The following KCNIP1 variants were observed in gnomAD, a reference collection of about 807,000 sequenced individuals.
KCNIP1 encodes the protein potassium voltage-gated channel interacting protein 1.
KCNIP1 carries 18 observed loss-of-function variants against 33.0 expected under a neutral mutation model. The ratio of observed to expected loss-of-function variants is 0.55; its 90% CI spans 0.38 to 0.81. The LOEUF is 0.81. KCNIP1 is among the 30% of genes least tolerant of loss of function. The pLI is 0.00. For synonymous variants in KCNIP1, 93 were observed against 98.3 expected (o/e 0.95, Z 0.32); for missense variants, 238 against 271.6 (o/e 0.88, Z 0.87).
chr5:170,734,346 C>T (rs1764310678), intron 7 of KCNIP1, among the ~76,000 whole-genome samples: 1 of 152,274 alleles, frequency 6.6e-6, no homozygotes, highest in Admixed American at 6.5e-5. Context: ...AGGCCTCAAT[C>T]CCAGAGACTC....
intron 1 of KCNIP1, among the ~76,000 whole-genome samples, chr5:170,616,586 C>T (rs1759381152): frequency 6.6e-6 from 1 of 152,100 alleles, no homozygotes; most frequent in South Asian, 2.1e-4. Flanking sequence ...CCATGAGAGC[C>T]CACCTCTCTC....
chr5:170,628,491 TG>T (rs1335129964), intron 1 of KCNIP1, among the ~76,000 whole-genome samples: 2 of 152,246 alleles, frequency 1.3e-5, no homozygotes, highest in East Asian at 3.9e-4. Flanking sequence ...AGGGCGTGTG[TG>T]TGTGTGTGCG....
At chr5:170,512,980 G>C (rs1754994250) in intron 1 of KCNIP1, among the ~76,000 whole-genome samples, 1 of 152,032 alleles carries the variant, frequency 6.6e-6, no homozygotes, top group South Asian at 2.1e-4. Context: ...AACCCAGGAG[G>C]TGGAGCTTGC....
At chr5:170,429,046 G>A (rs764475056) in intron 1 of KCNIP1, among the ~76,000 whole-genome samples, 2 of 151,980 alleles carry the variant, frequency 1.3e-5, no homozygotes, top group Non-Finnish European at 2.9e-5. Flanking sequence ...AGCCGAGATC[G>A]CGCCACTGCA....
chr5:170,363,699 G>A (rs1052193100), intron 1 of KCNIP1, among the ~76,000 whole-genome samples: 2 of 152,146 alleles, frequency 1.3e-5, no homozygotes, highest in South Asian at 4.1e-4. Flanking sequence ...ATTTTTAACT[G>A]TGACAAACAT....
chr5:170,681,403 G>T, intron 1 of KCNIP1: 1 of 343,620 alleles, frequency 2.9e-6, no homozygotes, highest in African/African-American at 2.1e-5. Flanking sequence ...GCGGGAGCCA[G>T]GAAGTTAGGG....
At chr5:170,452,369 C>T (rs1178311506) in intron 1 of KCNIP1, among the ~76,000 whole-genome samples, 1 of 152,210 alleles carries the variant, frequency 6.6e-6, no homozygotes, top group African/African-American at 2.4e-5. Context: ...GTGTGCATGG[C>T]TACAGAATTC....
intron 1 of KCNIP1, among the ~76,000 whole-genome samples, chr5:170,590,245 T>A (rs1383772083): frequency 2.0e-5 from 3 of 152,066 alleles, no homozygotes; most frequent in Non-Finnish European, 4.4e-5. Flanking sequence ...TTCCAGAGTA[T>A]CTGGATACCC....
intron 1 of KCNIP1, among the ~76,000 whole-genome samples, chr5:170,381,525 G>GT (rs1764239882): frequency 6.6e-6 from 1 of 152,218 alleles, no homozygotes; most frequent in Non-Finnish European, 1.5e-5. Context: ...GACATAGGCG[G>GT]AAGGAGCAGC....
At chr5:170,362,013 A>G (rs1046440991) in intron 1 of KCNIP1, among the ~76,000 whole-genome samples, 3 of 152,186 alleles carry the variant, frequency 2.0e-5, no homozygotes, top group African/African-American at 7.2e-5. Flanking sequence ...GCTGATTTCA[A>G]AGGCCTCTTT....
intron 1 of KCNIP1, among the ~76,000 whole-genome samples, chr5:170,505,042 G>A (rs933984946): frequency 6.6e-6 from 1 of 152,176 alleles, no homozygotes; most frequent in Non-Finnish European, 1.5e-5. Context: ...CCTCCTAGGC[G>A]GCTATGCCAG....
intron 1 of KCNIP1, among the ~76,000 whole-genome samples, chr5:170,584,901 G>A (rs752363521): frequency 6.6e-6 from 1 of 152,190 alleles, no homozygotes; most frequent in African/African-American, 2.4e-5. Flanking sequence ...CCAGAGCAGA[G>A]CAGGCCTGGT....
intron 1 of KCNIP1, among the ~76,000 whole-genome samples, chr5:170,602,458 G>T (rs527439673): frequency 1.3e-5 from 2 of 152,244 alleles, no homozygotes; most frequent in Non-Finnish European, 2.9e-5. Context: ...AGTTACAGCA[G>T]TTGGAAAAAT....
Position 170,715,131 on chromosome 5 carries a change from A to G in KCNIP1, c.62-3627A>G, listed in dbSNP as rs538742300. 1.6e-4 allele frequency among the ~76,000 whole-genome samples: 25 copies of G among 152,302 alleles called. No individual in the cohort carries two copies. In the South Asian group the frequency reaches 4.1e-3, roughly 25 times the overall value. On this transcript the variant is annotated intron_variant, in intron 1 of 7. Coordinates refer to ENST00000328939, the MANE Select transcript of KCNIP1 (RefSeq NM_014592.4). ...ATTTAGTATGTTTGGACACACAAAT[A>G]CTTAAAATACTTACCATTGTGTTAC...
At chr5:170,622,622 CAAA>C (rs371896008) in intron 1 of KCNIP1, among the ~76,000 whole-genome samples, 2 of 103,718 alleles carry the variant, frequency 1.9e-5, no homozygotes, top group African/African-American at 3.5e-5. Context: ...GACTCTGTCT[CAAA>C]AAAAAAAAAA....
chr5:170,527,517 T>C (rs1459357864), intron 1 of KCNIP1, among the ~76,000 whole-genome samples: 1 of 151,970 alleles, frequency 6.6e-6, no homozygotes, highest in African/African-American at 2.4e-5. Context: ...CGGCAATCTA[T>C]TGTGAGGACC....
chr5:170,425,754 A>G (rs1263473472), intron 1 of KCNIP1, among the ~76,000 whole-genome samples: 1 of 152,170 alleles, frequency 6.6e-6, no homozygotes, highest in African/African-American at 2.4e-5. Context: ...TCTCCAGGTG[A>G]GGGCTCTGGG....
At chr5:170,681,159 C>G (rs1762330895) in intron 1 of KCNIP1, 1 of 399,048 alleles carries the variant, frequency 2.5e-6, no homozygotes, top group African/African-American at 2.1e-5. Context: ...CTACCTCGGA[C>G]TGATTGACTT....
chr5:170,435,486 G>A (rs144266755), intron 1 of KCNIP1, among the ~76,000 whole-genome samples: 199 of 152,360 alleles, frequency 1.3e-3, no homozygotes, highest in African/African-American at 4.6e-3. Flanking sequence ...TCTGGAGAGC[G>A]GGGCTGGACA....
Sources: gnomAD v4.1 joint callset for allele counts (sites outside exome capture counted in the v4.1 genomes callset) on GRCh38, gnomAD v4.1.1 for gene constraint, MANE v1.5 for transcripts, NCBI Gene and HGNC (gene_info 2026-07-23, HGNC 2026-07-21) for gene names.